The following CYTH3 variants were observed in gnomAD, a reference collection of about 807,000 sequenced individuals.
The protein encoded by CYTH3 is cytohesin 3.
Under a neutral mutation model 55.1 loss-of-function variants are expected in CYTH3, and 23 were observed. The ratio of observed to expected loss-of-function variants is 0.42; its 90% CI spans 0.30 to 0.59. The LOEUF (loss-of-function observed/expected upper bound fraction) is 0.59. Ranked by LOEUF, CYTH3 falls within the 20% of genes least tolerant of loss-of-function variation. The pLI, the probability that CYTH3 is intolerant of heterozygous loss-of-function variation, is 0.20. For synonymous variants in CYTH3, 249 were observed against 194.9 expected, an observed-to-expected ratio of 1.28 and a Z score of -2.31; for missense variants, 413 against 524.8, an observed-to-expected ratio of 0.79 and a Z score of 2.08.
intron 1 of CYTH3, among the ~76,000 whole-genome samples, chr7:6,260,535 T>C (rs971531236): frequency 3.9e-5 from 6 of 152,110 alleles, no homozygotes; most frequent in Non-Finnish European, 7.4e-5. Context: ...CTTCCCCCAC[T>C]AGCTCCTTAG....
intron 1 of CYTH3, among the ~76,000 whole-genome samples, chr7:6,238,863 G>C (rs534075220): frequency 6.6e-6 from 1 of 151,952 alleles, no homozygotes; most frequent in Non-Finnish European, 1.5e-5. Context: ...CAAAAATAAA[G>C]TCTATTTAAA....
At position 6,168,154 on chromosome 7, in the gene CYTH3, G is replaced by A. The variant is rs529200234; in HGVS notation, c.824-2344C>T. ...TTGCCGTTAGCAGGCAGGCGCGTAC[G>A]TGCACACACAGGTCCACATGCACAC... On this transcript the variant is annotated intron_variant, in intron 9 of 12. Transcript: ENST00000350796. Among the ~76,000 whole-genome samples the A allele has an allele frequency of 5.3e-5, 8 of 151,882 alleles. No individual in the cohort carries two copies. The East Asian group carries it at 1.6e-3, about 29-fold the overall frequency.
chr7:6,212,371 C>G (rs913517963), intron 1 of CYTH3, among the ~76,000 whole-genome samples: 2 of 152,214 alleles, frequency 1.3e-5, no homozygotes, highest in African/African-American at 2.4e-5. Flanking sequence ...CTATCCATCT[C>G]TAGAACTTTT....
chr7:6,236,855 G>A (rs142115341), intron 1 of CYTH3, among the ~76,000 whole-genome samples: 1,945 of 152,226 alleles, frequency 0.013, 18 homozygotes, highest in Admixed American at 0.052. Flanking sequence ...GAGCCACTGC[G>A]CCCGGCCAAG....
chr7:6,257,416 A>C (rs1475196847), intron 1 of CYTH3, among the ~76,000 whole-genome samples: 3 of 152,264 alleles, frequency 2.0e-5, no homozygotes, highest in Non-Finnish European at 2.9e-5. Context: ...TCTGTAAAGA[A>C]CTAAAAGGAA....
chr7:6,255,849 C>T (rs1228267818), intron 1 of CYTH3, among the ~76,000 whole-genome samples: 4 of 150,470 alleles, frequency 2.7e-5, no homozygotes, highest in East Asian at 3.9e-4. Flanking sequence ...CTACAAGCTC[C>T]GCCTTCCAGG....
intron 1 of CYTH3, among the ~76,000 whole-genome samples, chr7:6,220,460 A>G (rs1400129835): frequency 6.6e-6 from 1 of 152,062 alleles, no homozygotes; most frequent in Non-Finnish European, 1.5e-5. Context: ...CTGAGAATCC[A>G]TAAAAGAAAA....
At chr7:6,260,798 T>C (rs1183011186) in intron 1 of CYTH3, among the ~76,000 whole-genome samples, 1 of 152,252 alleles carries the variant, frequency 6.6e-6, no homozygotes, top group Middle Eastern at 3.4e-3. Context: ...CTCAACTCTC[T>C]TTCCTATGTG....
chr7:6,183,289 T>G (rs1273025768), intron 4 of CYTH3, among the ~76,000 whole-genome samples: 1 of 152,260 alleles, frequency 6.6e-6, no homozygotes, highest in African/African-American at 2.4e-5. Flanking sequence ...GTATGTGCTG[T>G]GGGGAGTGTT....
intron 1 of CYTH3, among the ~76,000 whole-genome samples, chr7:6,265,094 T>C (rs1780453122): frequency 1.3e-5 from 2 of 151,942 alleles, no homozygotes; most frequent in East Asian, 1.9e-4. Flanking sequence ...AGGAGTGTGC[T>C]TGGCAAGGAG....
intron 4 of CYTH3, 60 bp from the exon 5 acceptor site, chr7:6,178,001 G>A (rs372571226): frequency 3.1e-6 from 4 of 1,309,416 alleles, no homozygotes; most frequent in Non-Finnish European, 4.4e-6. Context: ...ATTTTTCAAA[G>A]ACAGAAATAC....
At chr7:6,223,869 G>C (rs62454284) in intron 1 of CYTH3, among the ~76,000 whole-genome samples, 2 of 134,512 alleles carry the variant, frequency 1.5e-5, no homozygotes, top group Admixed American at 7.7e-5. Flanking sequence ...AAAAAAAATG[G>C]AGATGCAGTA....
chr7:6,239,756 T>C (rs1779625412), intron 1 of CYTH3, among the ~76,000 whole-genome samples: 1 of 152,194 alleles, frequency 6.6e-6, no homozygotes, highest in Admixed American at 6.5e-5. Flanking sequence ...AAAAGAATAC[T>C]TCATTTATGA....
chr7:6,248,241 C>T (rs369220133), intron 1 of CYTH3, among the ~76,000 whole-genome samples: 1 of 149,918 alleles, frequency 6.7e-6, no homozygotes, highest in Middle Eastern at 3.4e-3. Context: ...CCAACCCCCC[C>T]CCAGCCAAAA....
At chr7:6,178,764 C>T (rs558983907) in intron 4 of CYTH3, among the ~76,000 whole-genome samples, 64 of 152,360 alleles carry the variant, frequency 4.2e-4, no homozygotes, top group African/African-American at 1.4e-3. Flanking sequence ...CTCATCCAGT[C>T]AAAGCTCATG....
At chr7:6,226,097 G>C (rs1779243959) in intron 1 of CYTH3, among the ~76,000 whole-genome samples, 1 of 152,046 alleles carries the variant, frequency 6.6e-6, no homozygotes, top group African/African-American at 2.4e-5. Context: ...CCCTAGCTTA[G>C]CAAACCCTAC....
intron 1 of CYTH3, among the ~76,000 whole-genome samples, chr7:6,217,511 T>C (rs540476308): frequency 7.2e-5 from 11 of 152,244 alleles, no homozygotes; most frequent in Admixed American, 4.6e-4. Flanking sequence ...CAAAAAGACA[T>C]AGCAATTCTA....
chr7:6,208,292 T>C (rs564063882), intron 1 of CYTH3, among the ~76,000 whole-genome samples: 13 of 152,340 alleles, frequency 8.5e-5, no homozygotes, highest in African/African-American at 2.9e-4. Flanking sequence ...GTTACAACCC[T>C]ACCCAAATCA....
chr7:6,226,195 G>T (rs956861425), intron 1 of CYTH3, among the ~76,000 whole-genome samples: 2 of 152,142 alleles, frequency 1.3e-5, no homozygotes, highest in Non-Finnish European at 2.9e-5. Flanking sequence ...GGCTCTGAGA[G>T]GTCTCCCTAA....
Sources: gnomAD v4.1 joint callset for allele counts (sites outside exome capture counted in the v4.1 genomes callset) on GRCh38, gnomAD v4.1.1 for gene constraint, MANE v1.5 for transcripts, NCBI Gene and HGNC (gene_info 2026-07-23, HGNC 2026-07-21) for gene names.